The following NEK5 variants were observed in gnomAD, a reference collection of about 807,000 sequenced individuals.
NEK5 encodes the protein NIMA related kinase 5, also known as serine/threonine-protein kinase Nek5.
NEK5 carries 88 observed loss-of-function variants against 109.2 expected under a neutral mutation model. The observed-to-expected ratio is 0.81, with a 90% CI of 0.68 to 0.96. NEK5 has a LOEUF of 0.96. Ranked by LOEUF, NEK5 falls within the 40% of genes least tolerant of loss-of-function variation. The pLI is 0.00. For missense variants in NEK5, 834 were observed against 920.7 expected (o/e 0.91, Z 1.22); for synonymous variants, 283 against 299.9 (o/e 0.94, Z 0.58).
Position 52,119,369 on chromosome 13 carries a change from A to G in NEK5, c.164T>C (p.Leu55Pro). ...AATGTTGGGATGTTTCATCTTTTCC[A>G]GAAGAATCACTTCTTTCTTTGAAGC... Reference protein sequence around the residue: ...KEASKKEVILLEKMKHPNIVA... With the variant: ...KEASKKEVILPEKMKHPNIVA... The change falls in exon 4 of 24, where the codon CTG becomes CCG. Residue 55 changes from leucine (L) to proline (P), a missense_variant. Physicochemically the swap from Leu to Pro is moderately conservative, Grantham distance 98. Transcript: ENST00000684899. The G allele has an allele frequency of 6.2e-7, 1 of 1,604,998 alleles. No individual in the cohort carries two copies. The highest frequency in any genetic ancestry group is 8.5e-7 in the Non-Finnish European group (1 of 1,173,496).
intron 23 of NEK5, among the ~76,000 whole-genome samples, chr13:52,045,440 G>A (rs1954449160): frequency 6.6e-6 from 1 of 151,018 alleles, no homozygotes; most frequent in African/African-American, 2.4e-5. Flanking sequence ...AGTAAATGGT[G>A]CTGGAATAAG....
rs770059597 is a variant in NEK5, at chr13:52,102,315, CACTAAATCAGAGAAAAGTT to C, written c.610-42_610-24del. On this transcript the variant is annotated intron_variant, in intron 9 of 23. Transcript: ENST00000684899. ...AAACTGAAAGGACAAGGAGAAATGA[CACTAAATCAGAGAAAAGTT>C]ACTAAAGTAACAAATAATAAAAGTG... 54 of 1,570,160 alleles carry C rather than the reference CACTAAATCAGAGAAAAGTT, an allele frequency of 3.4e-5. No homozygotes were observed. The Middle Eastern group carries it at 5.0e-4, about 15-fold the overall frequency.
At chr13:52,066,218 T>C (rs1472180597) in intron 20 of NEK5, among the ~76,000 whole-genome samples, 1 of 152,224 alleles carries the variant, frequency 6.6e-6, no homozygotes, top group Non-Finnish European at 1.5e-5. Flanking sequence ...AAAGCAATCA[T>C]AATATTCTGC....
At chr13:52,086,521 C>T (rs937801956) in intron 15 of NEK5, among the ~76,000 whole-genome samples, 158 bp from the exon 16 acceptor site, 1 of 152,214 alleles carries the variant, frequency 6.6e-6, no homozygotes, top group Non-Finnish European at 1.5e-5. Flanking sequence ...GTTTTGGCTG[C>T]AGTACTTCAC....
At chr13:52,089,125 A>C (rs894157877) in intron 14 of NEK5, 122 bp downstream of exon 14, 1 of 638,002 alleles carries the variant, frequency 1.6e-6, no homozygotes, top group Non-Finnish European at 2.8e-6. Context: ...AACAAAAAAA[A>C]CTGGGGACTA....
rs74087056 is a variant in NEK5, at chr13:52,098,814, C to G, written c.1026+929G>C. ...AGCATTGTTTCATAAAATATAAAAA[C>G]TAGAAGTTGTCCAACAAAATACCAT... is the stretch of plus-strand genomic sequence containing the variant. On this transcript the variant is annotated intron_variant, in intron 12 of 23. Coordinates refer to ENST00000684899, the MANE Select transcript of NEK5 (RefSeq NM_001365552.1). Among the ~76,000 whole-genome samples the G allele has an allele frequency of 5.9e-3, 895 of 152,128 alleles. 14 individuals carry two copies. The highest frequency in any genetic ancestry group is 0.021 in the African/African-American group (853 of 41,540).
At chr13:52,063,319 C>T (rs1336254229) in intron 21 of NEK5, among the ~76,000 whole-genome samples, 1 of 152,228 alleles carries the variant, frequency 6.6e-6, no homozygotes, top group African/African-American at 2.4e-5. Flanking sequence ...GAGTGATCTG[C>T]CAGCCTCGGC....
chr13:52,062,262 AG>A lies in NEK5; in HGVS notation c.1976-310del, dbSNP rs1395888258. 3.3e-5 allele frequency: 5 copies of A among 152,338 alleles called. No homozygotes were observed. In the East Asian group the frequency reaches 9.6e-4, roughly 29 times the overall value. 9.4% of individuals were successfully genotyped at this position (152,338 alleles called of 1,614,324 possible). A position where few individuals can be genotyped will look rare whatever the true frequency, so the allele number is the denominator to read the frequency against. ...ATTTATAGACATAATTGCTCATTTCAGTGATATACTTACATATTTCAACTTA... is the reference window on the plus strand; with the variant it reads ...ATTTATAGACATAATTGCTCATTTCATGATATACTTACATATTTCAACTTA... On this transcript the variant is annotated intron_variant, in intron 21 of 23. Transcript: ENST00000684899.
At chr13:52,093,448 T>C (rs1955339631) in intron 12 of NEK5, among the ~76,000 whole-genome samples, 3 of 151,884 alleles carry the variant, frequency 2.0e-5, no homozygotes, top group Admixed American at 2.0e-4. Flanking sequence ...TAATCCCAGC[T>C]ACTTGGGAGG....
intron 21 of NEK5, among the ~76,000 whole-genome samples, chr13:52,063,179 T>G (rs1254488512): frequency 6.6e-6 from 1 of 152,118 alleles, no homozygotes; most frequent in Non-Finnish European, 1.5e-5. Context: ...CCTGCCTGAT[T>G]CTCCTGCCTC....
At chr13:52,059,454 G>A (rs1954591653) in intron 22 of NEK5, among the ~76,000 whole-genome samples, 1 of 127,994 alleles carries the variant, frequency 7.8e-6, no homozygotes, top group Non-Finnish European at 1.6e-5. Context: ...CCATTACTGG[G>A]TATATACCCA....
At chr13:52,100,895 A>C (rs1477227397) in intron 11 of NEK5, among the ~76,000 whole-genome samples, 1 of 152,174 alleles carries the variant, frequency 6.6e-6, no homozygotes, top group Non-Finnish European at 1.5e-5. Flanking sequence ...TTGATTTTAG[A>C]ATCTCTGTCT....
chr13:52,089,189 G>T, intron 14 of NEK5, 58 bp downstream of exon 14: 2 of 1,088,252 alleles, frequency 1.8e-6, no homozygotes, highest in South Asian at 1.3e-5. Context: ...GAAAATCTGT[G>T]AACAGAAAAA....
At position 52,050,102 on chromosome 13, in the gene NEK5, AC is replaced by A. The variant is rs779980592; in HGVS notation, c.2228+1del. 133 of 962,136 alleles carry A rather than the reference AC, an allele frequency of 1.4e-4. No homozygotes were observed. Among genetic ancestry groups the A allele is most frequent in the Non-Finnish European group, 1.6e-4 (127 of 808,454 alleles). The allele number at this position is 962,136 out of a possible 1,614,324, so 59.6% of individuals were successfully genotyped here. On this transcript the variant is annotated splice_donor_variant, in intron 23 of 23. Coordinates refer to ENST00000684899, the MANE Select transcript of NEK5 (RefSeq NM_001365552.1). LOFTEE classifies it high-confidence loss of function. ...TTAGGTATCGGCAAATGATCTACTT[AC>A]GTATCATCATCATCAGATCTTGGTT...
At chr13:52,119,258 T>C (rs1955922528) in intron 4 of NEK5, 61 bp downstream of exon 4, 3 of 873,196 alleles carry the variant, frequency 3.4e-6, no homozygotes, top group Non-Finnish European at 5.2e-6. Flanking sequence ...ACAAATCTTT[T>C]TACATATGTC....
intron 12 of NEK5, among the ~76,000 whole-genome samples, chr13:52,095,199 G>C (rs1164789650): frequency 6.6e-6 from 1 of 152,276 alleles, no homozygotes; most frequent in South Asian, 2.1e-4. Flanking sequence ...GCCTCCCAAA[G>C]TGTTGGATTA....
intron 12 of NEK5, among the ~76,000 whole-genome samples, chr13:52,097,684 G>A (rs1674403017): frequency 6.6e-6 from 1 of 152,160 alleles, no homozygotes; most frequent in Admixed American, 6.5e-5. Flanking sequence ...GACTTGACTT[G>A]TCTCAGAGAG....
At chr13:52,075,084 T>G (rs1954843562) in intron 19 of NEK5, among the ~76,000 whole-genome samples, 1 of 152,196 alleles carries the variant, frequency 6.6e-6, no homozygotes, top group African/African-American at 2.4e-5. Flanking sequence ...CTCAAAGAAC[T>G]TAGAACTACT....
intron 9 of NEK5, among the ~76,000 whole-genome samples, chr13:52,103,446 T>C (rs760406480): frequency 2.7e-4 from 41 of 152,106 alleles, no homozygotes; most frequent in Non-Finnish European, 2.6e-4. Flanking sequence ...AACAATGGAG[T>C]ACACATTTTG....
Sources: allele counts gnomAD v4.1 joint callset (sites outside exome capture counted in the v4.1 genomes callset), GRCh38; gene constraint gnomAD v4.1.1; transcripts MANE v1.5; gene names NCBI Gene and HGNC (gene_info 2026-07-23, HGNC 2026-07-21).